FAR2: variants seen among roughly 807,000 people sequenced by gnomAD.
FAR2 encodes the protein epididymis secretory protein Li 81.
In FAR2, 19 loss-of-function variants were observed where a neutral mutation model predicts 56.0. That is an observed-to-expected ratio of 0.34 (90% confidence interval 0.24 to 0.50). The LOEUF (loss-of-function observed/expected upper bound fraction) is 0.50, where lower values mean the gene tolerates loss of function less well. FAR2 is among the 20% of genes least tolerant of loss of function. The probability of loss-of-function intolerance (pLI) is 0.98; values close to 1 mark genes in which losing one functional copy is unlikely to be tolerated. For missense variants in FAR2, 508 were observed against 642.2 expected (o/e 0.79, Z 2.26); for synonymous variants, 219 against 218.8 (o/e 1.00, Z -0.01).
intron 2 of FAR2, among the ~76,000 whole-genome samples, chr12:29,272,701 G>A (rs1948638849): frequency 1.3e-5 from 2 of 152,164 alleles, no homozygotes; most frequent in African/African-American, 4.8e-5. Flanking sequence ...TCATTTGGAG[G>A]AGAAGAGGCA....
At chr12:29,291,823 G>A (rs1291878285) in intron 2 of FAR2, among the ~76,000 whole-genome samples, 1 of 152,146 alleles carries the variant, frequency 6.6e-6, no homozygotes, top group East Asian at 1.9e-4. Context: ...TCCTGACAGG[G>A]CAAGTCCTAT....
intron 1 of FAR2, among the ~76,000 whole-genome samples, chr12:29,244,852 C>T (rs1267578507): frequency 2.6e-5 from 4 of 152,140 alleles, no homozygotes; most frequent in African/African-American, 9.7e-5. Flanking sequence ...AAATCATGGA[C>T]ACAAATATAC....
chr12:29,303,278 T>C (rs2136773366), intron 4 of FAR2, among the ~76,000 whole-genome samples: 1 of 152,320 alleles, frequency 6.6e-6, no homozygotes, highest in South Asian at 2.1e-4. Flanking sequence ...GTGTAATTCA[T>C]ATTTATGAGC....
intron 1 of FAR2, among the ~76,000 whole-genome samples, chr12:29,268,569 C>T (rs1948558794): frequency 6.6e-6 from 1 of 152,190 alleles, no homozygotes. Context: ...GGTCGGTGGC[C>T]TCCCTTTTCA....
chr12:29,241,457 T>C (rs74974767), intron 1 of FAR2, among the ~76,000 whole-genome samples: 2 of 152,152 alleles, frequency 1.3e-5, no homozygotes, highest in Non-Finnish European at 2.9e-5. Context: ...TTTTAGTGTG[T>C]ATATACTACT....
At chr12:29,197,648 T>G (rs1950154286) in intron 1 of FAR2, among the ~76,000 whole-genome samples, 2 of 152,270 alleles carry the variant, frequency 1.3e-5, no homozygotes, top group East Asian at 1.9e-4. Context: ...CTTTTTAAAC[T>G]TAACAAAAAG....
chr12:29,182,011 A>G (rs1169642766), intron 1 of FAR2, among the ~76,000 whole-genome samples: 1 of 152,218 alleles, frequency 6.6e-6, no homozygotes, highest in Admixed American at 6.5e-5. Context: ...AGGAAAATGT[A>G]TGTGATTTGA....
intron 1 of FAR2, among the ~76,000 whole-genome samples, chr12:29,172,959 T>C (rs982209877): frequency 1.6e-4 from 24 of 152,180 alleles, no homozygotes; most frequent in African/African-American, 5.8e-4. Flanking sequence ...TTTGTCCCTT[T>C]CTTTGGCTGT....
intron 1 of FAR2, among the ~76,000 whole-genome samples, chr12:29,176,993 T>C (rs1949945447): frequency 1.3e-5 from 2 of 152,270 alleles, no homozygotes; most frequent in South Asian, 2.1e-4. Flanking sequence ...CTCCTGTCCA[T>C]CATCAACTGG....
intron 11 of FAR2, chr12:29,333,220 A>G: frequency 1.9e-5 from 5 of 260,734 alleles, no homozygotes; most frequent in Non-Finnish European, 3.0e-5. Context: ...GAGGATCTGT[A>G]GTGCAGAGAT....
intron 1 of FAR2, among the ~76,000 whole-genome samples, chr12:29,220,944 T>C (rs552930921): frequency 2.4e-3 from 366 of 152,234 alleles, no homozygotes; most frequent in Middle Eastern, 0.01. Flanking sequence ...TTGTGTCCCT[T>C]CTCCCCGATT....
intron 1 of FAR2, among the ~76,000 whole-genome samples, chr12:29,175,724 TAC>T (rs1199220692): frequency 6.6e-6 from 1 of 152,190 alleles, no homozygotes; most frequent in Non-Finnish European, 1.5e-5. Context: ...GGTGCGTTTT[TAC>T]AGAGTGCTGA....
intron 1 of FAR2, among the ~76,000 whole-genome samples, chr12:29,190,348 T>C (rs1289119088): frequency 6.7e-6 from 1 of 149,178 alleles, no homozygotes; most frequent in Non-Finnish European, 1.5e-5. Flanking sequence ...CAGCACTGAG[T>C]CCCAAGACAA....
intron 1 of FAR2, among the ~76,000 whole-genome samples, chr12:29,218,667 GC>G (rs1476857429): frequency 6.6e-6 from 1 of 152,090 alleles, no homozygotes; most frequent in Non-Finnish European, 1.5e-5. Flanking sequence ...CTTAGGTTAT[GC>G]CAGTCAGGAT....
intron 1 of FAR2, among the ~76,000 whole-genome samples, chr12:29,186,747 C>CTTTA (rs566424854): frequency 0.29 from 11,104 of 38,622 alleles, 593 homozygotes; most frequent in South Asian, 0.44. Flanking sequence ...CAGCTTAGTT[C>CTTTA]TTTATTTATT....
chr12:29,311,811 T>C (rs375412461), intron 7 of FAR2, 72 bp from the exon 8 acceptor site: 11 of 1,114,026 alleles, frequency 9.9e-6, no homozygotes, highest in East Asian at 7.5e-5. Context: ...GTCTAAATAT[T>C]ATTTTTCCTT....
intron 4 of FAR2, 54 bp downstream of exon 4, chr12:29,297,254 C>A: frequency 2.7e-6 from 4 of 1,482,004 alleles, no homozygotes; most frequent in Non-Finnish European, 9.1e-7. Flanking sequence ...TTCCTTTGTT[C>A]TCTTTGATTC....
At position 29,289,357 on chromosome 12, in the gene FAR2, T is replaced by C. The variant is rs1393066219; in HGVS notation, c.190-3943T>C. 4.6e-5 allele frequency among the ~76,000 whole-genome samples: 7 copies of C among 152,036 alleles called. No homozygotes were observed. The East Asian group carries it at 1.4e-3, about 29-fold the overall frequency. ...GCATAAAAACAGACACACAGACCAA[T>C]AGAACAGAATAGAGAACTCAGAAAA... On this transcript the variant is annotated intron_variant, in intron 2 of 11. Coordinates refer to ENST00000536681, the MANE Select transcript of FAR2 (RefSeq NM_001271783.2).
At chr12:29,315,326 G>A (rs1408823304) in intron 8 of FAR2, among the ~76,000 whole-genome samples, 2 of 152,184 alleles carry the variant, frequency 1.3e-5, no homozygotes, top group East Asian at 3.9e-4. Flanking sequence ...GAAGCACTGA[G>A]GGGGAGGATG....
Sources: gnomAD v4.1 joint callset for allele counts (sites outside exome capture counted in the v4.1 genomes callset) on GRCh38, gnomAD v4.1.1 for gene constraint, MANE v1.5 for transcripts, NCBI Gene and HGNC (gene_info 2026-07-23, HGNC 2026-07-21) for gene names.